The following SIMC1 variants were observed in gnomAD, a reference collection of about 807,000 sequenced individuals.
SIMC1 encodes the protein SUMO interacting motifs containing 1.
A neutral mutation model predicts 82.3 loss-of-function variants in SIMC1; 55 were observed. The observed-to-expected ratio is 0.67, with a 90% CI of 0.54 to 0.84. The LOEUF is 0.84. Ranked by LOEUF, SIMC1 falls within the 40% of genes least tolerant of loss-of-function variation. The probability of loss-of-function intolerance (pLI) is 0.00; values close to 1 mark genes in which losing one functional copy is unlikely to be tolerated. For synonymous variants in SIMC1, 353 were observed against 426.3 expected, an observed-to-expected ratio of 0.83 and a Z score of 2.12; for missense variants, 915 against 1,107.2, an observed-to-expected ratio of 0.83 and a Z score of 2.46.
intron 1 of SIMC1, among the ~76,000 whole-genome samples, chr5:176,266,698 A>G (rs1194603293): frequency 1.1e-5 from 1 of 92,438 alleles, no homozygotes; most frequent in Non-Finnish European, 2.1e-5. Context: ...GAGTGAGCCT[A>G]GTTGTTGGAT....
At chr5:176,288,233 C>G (rs1466092975) in intron 1 of SIMC1, among the ~76,000 whole-genome samples, 5 of 152,092 alleles carry the variant, frequency 3.3e-5, no homozygotes, top group Non-Finnish European at 7.3e-5. Context: ...CATGGTGAAA[C>G]CTCATCTCTA....
In SIMC1 at chr5:176,304,155, A is replaced by G. The variant is rs188984020; in HGVS notation, c.1734+7835A>G. ...AAGGCAGCTTATGGGATGGGAGAAA[A>G]TAGTTATAAATCATATATCTGATGA... On this transcript the variant is annotated intron_variant, in intron 4 of 9. Transcript: ENST00000429602. Among the ~76,000 whole-genome samples, 194 of 151,388 alleles carry G rather than the reference A, an allele frequency of 1.3e-3. 1 individual carries two copies. Among genetic ancestry groups the G allele is most frequent in the African/African-American group, 4.6e-3 (188 of 41,138 alleles).
intron 2 of SIMC1, 177 bp from the exon 3 acceptor site, chr5:176,294,853 T>C: frequency 1.2e-6 from 1 of 830,592 alleles, no homozygotes; most frequent in South Asian, 1.9e-5. Context: ...TAGTCCCAGC[T>C]ACTCTGGAGG....
chr5:176,344,342 C>T (rs1396151091), intron 9 of SIMC1, among the ~76,000 whole-genome samples: 1 of 152,092 alleles, frequency 6.6e-6, no homozygotes, highest in Non-Finnish European at 1.5e-5. Flanking sequence ...TAATTGCTTA[C>T]TCGTGATCAC....
chr5:176,313,534 C>G (rs1483662336), intron 4 of SIMC1, 157 bp from the exon 5 acceptor site: 9 of 1,548,988 alleles, frequency 5.8e-6, no homozygotes, highest in Non-Finnish European at 7.9e-6. Context: ...CATAATGACC[C>G]AGACTACCTG....
chr5:176,336,780 A>G lies in SIMC1; in HGVS notation c.2232A>G (p.Ile744Met). Residue 744 changes from isoleucine (I) to methionine (M), a missense_variant, in exon 8 of 10, where the codon ATA becomes ATG. Ile to Met is a conservative substitution (Grantham distance 10, BLOSUM62 1). Around this residue, in one of 2 missense-constraint regions of SIMC1, gnomAD observed 902 missense variants for 1,040.3 expected, o/e 0.87. Transcript: ENST00000429602. Reference protein sequence around the residue: ...HLLRCKVLEIIFLHSCETPTR... With the variant: ...HLLRCKVLEIMFLHSCETPTR... Reference sequence around the variant, plus strand: ...TGCGCTGCAAAGTGTTAGAAATCATATTCCTCCACAGCTGTGAGACACCCA... The same window carrying G: ...TGCGCTGCAAAGTGTTAGAAATCATGTTCCTCCACAGCTGTGAGACACCCA... 1 of 1,613,992 alleles carries G rather than the reference A, an allele frequency of 6.2e-7. No individual in the cohort carries two copies. Among genetic ancestry groups the G allele is most frequent in the Non-Finnish European group, 8.5e-7 (1 of 1,179,902 alleles).
At chr5:176,345,054 A>G in intron 9 of SIMC1, 129 bp from the exon 10 acceptor site, 2 of 1,216,468 alleles carry the variant, frequency 1.6e-6, no homozygotes, top group Non-Finnish European at 2.3e-6. Flanking sequence ...GCACTCACAC[A>G]GCCTTCGACT....
At chr5:176,320,560 G>C (rs564108915) in intron 5 of SIMC1, among the ~76,000 whole-genome samples, 1 of 152,030 alleles carries the variant, frequency 6.6e-6, no homozygotes, top group Non-Finnish European at 1.5e-5. Flanking sequence ...AGTAGAAACA[G>C]GTTTTCACCA....
chr5:176,303,315 A>T (rs1397894551), intron 4 of SIMC1, among the ~76,000 whole-genome samples: 3 of 141,550 alleles, frequency 2.1e-5, no homozygotes, highest in Non-Finnish European at 3.0e-5. Flanking sequence ...GACACCAAAT[A>T]GCCAAAGCAA....
At chr5:176,306,983 A>G (rs915610381) in intron 4 of SIMC1, among the ~76,000 whole-genome samples, 2 of 152,208 alleles carry the variant, frequency 1.3e-5, no homozygotes, top group African/African-American at 4.8e-5. Context: ...CCAATTTAAA[A>G]ATGGGCAGAG....
chr5:176,276,990 A>G (rs1762736693), intron 1 of SIMC1, among the ~76,000 whole-genome samples: 1 of 150,834 alleles, frequency 6.6e-6, no homozygotes, highest in African/African-American at 2.4e-5. Flanking sequence ...GTCAAATGGT[A>G]TTTCCAGTTC....
intron 1 of SIMC1, among the ~76,000 whole-genome samples, chr5:176,246,282 T>C (rs1054557475): frequency 4.6e-5 from 7 of 152,130 alleles, no homozygotes; most frequent in Admixed American, 4.6e-4. Flanking sequence ...AGTGTTGGGA[T>C]TACAGGCATG....
chr5:176,286,522 A>G (rs1437904090), intron 1 of SIMC1, among the ~76,000 whole-genome samples: 3 of 152,270 alleles, frequency 2.0e-5, no homozygotes, highest in Non-Finnish European at 2.9e-5. Context: ...TAGATCTAAA[A>G]GCATAAAAAC....
chr5:176,296,489 C>A, intron 4 of SIMC1, 169 bp downstream of exon 4: 2 of 875,438 alleles, frequency 2.3e-6, no homozygotes, highest in Non-Finnish European at 3.5e-6. Flanking sequence ...CAAAATGAGA[C>A]CCTGTCTCTA....
chr5:176,304,249 C>T (rs964822306), intron 4 of SIMC1: 1 of 117,790 alleles, frequency 8.5e-6, no homozygotes, highest in Admixed American at 9.0e-5. Flanking sequence ...TCATGCGGAG[C>T]CGAAGCTGGA....
chr5:176,299,211 TAGAA>T (rs1763939785), intron 4 of SIMC1, among the ~76,000 whole-genome samples: 2 of 152,142 alleles, frequency 1.3e-5, no homozygotes, highest in Admixed American at 1.3e-4. Flanking sequence ...CTAGACAACA[TAGAA>T]AGACTCTTGT....
At position 176,337,099 on chromosome 5, in the gene SIMC1, T is replaced by C. The variant is rs1172437632; in HGVS notation, c.2366T>C (p.Val789Ala). Residue 789 changes from valine (V) to alanine (A), a missense_variant, in exon 9 of 10, where the codon GTT becomes GCT. This residue lies in a region of SIMC1 where 902 missense variants were observed against 1,040.3 expected (regional missense o/e 0.87). Coordinates refer to ENST00000429602, the MANE Select transcript of SIMC1 (RefSeq NM_001308195.2). ...KSQWQTWDEL[V>A]EHLQFLLSSY... Reference sequence around the variant, plus strand: ...CAGTGGCAGACTTGGGACGAATTGGTTGAGCATCTGCAGTTTCTGCTGTCC... The same window carrying C: ...CAGTGGCAGACTTGGGACGAATTGGCTGAGCATCTGCAGTTTCTGCTGTCC... 3 of 1,614,044 alleles carry C rather than the reference T, an allele frequency of 1.9e-6. No individual in the cohort carries two copies. Among genetic ancestry groups the C allele is most frequent in the South Asian group, 1.1e-5 (1 of 91,084 alleles).
intron 1 of SIMC1, among the ~76,000 whole-genome samples, chr5:176,269,891 A>G (rs1254436633): frequency 3.3e-5 from 5 of 152,026 alleles, no homozygotes; most frequent in Non-Finnish European, 5.9e-5. Flanking sequence ...GACCACTGGC[A>G]TACACCACCA....
intron 4 of SIMC1, among the ~76,000 whole-genome samples, chr5:176,297,054 T>C (rs1314733806): frequency 1.3e-5 from 2 of 152,168 alleles, no homozygotes; most frequent in South Asian, 2.1e-4. Flanking sequence ...AGAAACACAA[T>C]ATCTAATAGA....
Sources: gnomAD v4.1 joint callset for allele counts (sites outside exome capture counted in the v4.1 genomes callset) on GRCh38, gnomAD v4.1.1 for gene constraint, gnomAD v4.1.1 regional missense constraint, MANE v1.5 for transcripts, NCBI Gene and HGNC (gene_info 2026-07-23, HGNC 2026-07-21) for gene names.